The following ASPRV1 variants were observed in gnomAD, a reference collection of about 807,000 sequenced individuals.
ASPRV1 encodes the protein aspartic peptidase retroviral like 1.
Under a neutral mutation model 11.0 loss-of-function variants are expected in ASPRV1, and 7 were observed. That is an observed-to-expected ratio of 0.64 (90% CI 0.36 to 1.20). The LOEUF is 1.20. Ranked by LOEUF, ASPRV1 falls within the 50% of genes most tolerant of loss-of-function variation. The probability of loss-of-function intolerance (pLI) is 0.02; values close to 1 mark genes in which losing one functional copy is unlikely to be tolerated. For missense variants in ASPRV1, 299 were observed against 320.0 expected (o/e 0.93, Z 0.50); for synonymous variants, 136 against 138.4 (o/e 0.98, Z 0.12).
At chr2:70,010,050 G>C in the ASPRV1 span, among the ~76,000 whole-genome samples, 3 of 152,134 alleles carry the variant, frequency 2.0e-5, no homozygotes, top group African/African-American at 7.2e-5. Flanking sequence ...TAGGGGCAAA[G>C]GGAAGTCACA....
chr2:69,961,691 T>G, upstream of ASPRV1: 1 of 1,532,296 alleles, frequency 6.5e-7, no homozygotes, highest in Non-Finnish European at 8.8e-7. Flanking sequence ...CTCCCCATTC[T>G]CCTTTGTTCT....
the ASPRV1 span, chr2:69,937,200 C>A: frequency 3.1e-6 from 5 of 1,610,632 alleles, no homozygotes; most frequent in Non-Finnish European, 4.2e-6. Context: ...AGAGATCTCC[C>A]TGTGGGGCCC....
At chr2:70,067,527 A>G in the ASPRV1 span, among the ~76,000 whole-genome samples, 2 of 152,236 alleles carry the variant, frequency 1.3e-5, no homozygotes, top group East Asian at 3.8e-4. Flanking sequence ...CAGCATATCC[A>G]TTCTATGAAA....
the ASPRV1 span, among the ~76,000 whole-genome samples, chr2:70,067,815 G>A: frequency 6.6e-6 from 1 of 152,008 alleles, no homozygotes; most frequent in African/African-American, 2.4e-5. Flanking sequence ...TGGGGAGACA[G>A]GAATAGCCAA....
chr2:69,951,475 GTGTGTGTGTATA>G, the ASPRV1 span, among the ~76,000 whole-genome samples: 1 of 99,400 alleles, frequency 1.0e-5, no homozygotes, highest in Admixed American at 1.1e-4. Context: ...GTGTGTGTGT[GTGTGTGTGTATA>G]TCTATATGTA....
the ASPRV1 span, chr2:69,993,754 T>C: frequency 6.0e-4 from 92 of 152,394 alleles, no homozygotes; most frequent in African/African-American, 2.2e-3. Flanking sequence ...ATTATCCCTA[T>C]GGAATGGGAC....
the ASPRV1 span, among the ~76,000 whole-genome samples, chr2:69,950,044 G>A: frequency 1.3e-5 from 2 of 152,182 alleles, no homozygotes; most frequent in Non-Finnish European, 2.9e-5. Context: ...TCGAACTCCT[G>A]ACCTCAGGTG....
At chr2:70,009,626 G>A in the ASPRV1 span, among the ~76,000 whole-genome samples, 1 of 152,126 alleles carries the variant, frequency 6.6e-6, no homozygotes, top group African/African-American at 2.4e-5. Flanking sequence ...CACCACACCT[G>A]GCCATAACTT....
chr2:69,933,649 AG>A, the ASPRV1 span, among the ~76,000 whole-genome samples: 1 of 152,198 alleles, frequency 6.6e-6, no homozygotes, highest in Non-Finnish European at 1.5e-5. Context: ...CTCAGAAGGA[AG>A]GAAGTCTAAT....
the ASPRV1 span, among the ~76,000 whole-genome samples, chr2:69,933,055 C>T: frequency 7.3e-5 from 11 of 151,606 alleles, no homozygotes; most frequent in Admixed American, 1.3e-4. Flanking sequence ...AAAAATTAGC[C>T]GGACGTGGTG....
the ASPRV1 span, among the ~76,000 whole-genome samples, chr2:70,022,149 G>C: frequency 6.6e-6 from 1 of 151,574 alleles, no homozygotes; most frequent in Non-Finnish European, 1.5e-5. Flanking sequence ...TGAGTAGCTG[G>C]GACTACAGGT....
At chr2:70,085,296 G>C in the ASPRV1 span, among the ~76,000 whole-genome samples, 1 of 152,092 alleles carries the variant, frequency 6.6e-6, no homozygotes, top group African/African-American at 2.4e-5. Context: ...TGAGCCTCTG[G>C]GCAGGCTGAA....
At chr2:70,042,202 G>A in the ASPRV1 span, among the ~76,000 whole-genome samples, 2 of 152,152 alleles carry the variant, frequency 1.3e-5, no homozygotes, top group African/African-American at 2.4e-5. Context: ...TTGAGGTGCA[G>A]GCAGCTGGAC....
the ASPRV1 span, among the ~76,000 whole-genome samples, chr2:70,078,261 A>G: frequency 6.6e-6 from 1 of 152,230 alleles, no homozygotes; most frequent in Admixed American, 6.5e-5. Context: ...CCTAACCATC[A>G]TGAAATTTAC....
chr2:70,067,505 C>T, the ASPRV1 span, among the ~76,000 whole-genome samples: 1 of 152,112 alleles, frequency 6.6e-6, no homozygotes, highest in Admixed American at 6.6e-5. Flanking sequence ...AGAAAAATAG[C>T]CAAATAAAAT....
At chr2:70,021,643 C>A in the ASPRV1 span, among the ~76,000 whole-genome samples, 1 of 150,468 alleles carries the variant, frequency 6.6e-6, no homozygotes, top group Admixed American at 6.6e-5. Flanking sequence ...TAGATATCTG[C>A]TGTCCAATAT....
At chr2:70,021,835 T>G in the ASPRV1 span, among the ~76,000 whole-genome samples, 1 of 151,516 alleles carries the variant, frequency 6.6e-6, no homozygotes, top group Non-Finnish European at 1.5e-5. Flanking sequence ...CCTGAGTAGC[T>G]GGGACTACAG....
chr2:69,968,424 T>C, the ASPRV1 span: 19,463 of 151,918 alleles, frequency 0.13, 1,803 homozygotes, highest in South Asian at 0.25. Flanking sequence ...CTTGGGAGGA[T>C]GAAGTAGGAG....
At chr2:70,047,034 T>C in the ASPRV1 span, among the ~76,000 whole-genome samples, 2 of 152,214 alleles carry the variant, frequency 1.3e-5, no homozygotes, top group African/African-American at 2.4e-5. Context: ...ATCTGGCCCC[T>C]GACTTCAGGA....
Sources: gnomAD v4.1 joint callset for allele counts (sites outside exome capture counted in the v4.1 genomes callset) on GRCh38, gnomAD v4.1.1 for gene constraint, MANE v1.5 for transcripts, NCBI Gene and HGNC (gene_info 2026-07-23, HGNC 2026-07-21) for gene names.